Variants in SEPTIN9 observed in about 807,000 individuals in gnomAD.
The protein encoded by SEPTIN9 is septin-9.
A neutral mutation model predicts 56.6 loss-of-function variants in SEPTIN9; 13 were observed. That is an observed-to-expected ratio of 0.23 (90% CI 0.15 to 0.37). The LOEUF is 0.37. SEPTIN9 is among the 10% of genes least tolerant of loss of function. The pLI, the probability that SEPTIN9 is intolerant of heterozygous loss-of-function variation, is 1.00. For missense variants in SEPTIN9, 650 were observed against 823.1 expected (o/e 0.79, Z 2.57); for synonymous variants, 332 against 334.1 (o/e 0.99, Z 0.07).
chr17:77,284,265 G>T (rs4789432), intron 1 of SEPTIN9, among the ~76,000 whole-genome samples: 94,574 of 141,322 alleles, frequency 0.67, 34,033 homozygotes, highest in South Asian at 0.81. Flanking sequence ...AAATAGACAC[G>T]GCACTCCAGC....
chr17:77,341,892 C>A (rs1476412344), intron 2 of SEPTIN9, among the ~76,000 whole-genome samples: 1 of 150,518 alleles, frequency 6.6e-6, no homozygotes, highest in Non-Finnish European at 1.5e-5. Context: ...ACCATCCTGG[C>A]TAACACGATG....
At chr17:77,351,227 CAA>C (rs1040825698) in intron 2 of SEPTIN9, among the ~76,000 whole-genome samples, 4 of 106,830 alleles carry the variant, frequency 3.7e-5, no homozygotes, top group African/African-American at 1.6e-4. Flanking sequence ...CGCGTGCACA[CAA>C]CACACACACA....
chr17:77,348,293 T>TG (rs1491424029), intron 2 of SEPTIN9, among the ~76,000 whole-genome samples: 1 of 114,368 alleles, frequency 8.7e-6, no homozygotes, highest in Admixed American at 1.1e-4. Context: ...TTTTAATTTA[T>TG]GTTTTTTTTT....
In SEPTIN9 at chr17:77,344,571, C is replaced by T. The variant is rs373873405; in HGVS notation, c.76+37374C>T. Among the ~76,000 whole-genome samples, 14 of 152,356 alleles carry T rather than the reference C, an allele frequency of 9.2e-5. No homozygotes were observed. The East Asian group carries it at 9.6e-4, about 10-fold the overall frequency. ...TGTGCTACATTCTTGTTTGTAGCAG[C>T]ACTTTTCCCATAACCAAAAGATGCA... On this transcript the variant is annotated intron_variant, in intron 2 of 11. Coordinates refer to ENST00000427177, the MANE Select transcript of SEPTIN9 (RefSeq NM_001113491.2).
intron 2 of SEPTIN9, among the ~76,000 whole-genome samples, chr17:77,342,439 CT>C (rs2033763716): frequency 6.6e-6 from 1 of 152,210 alleles, no homozygotes; most frequent in African/African-American, 2.4e-5. Flanking sequence ...CAATCTAGAT[CT>C]TTTTAAAGAA....
In SEPTIN9 at chr17:77,318,246, G is replaced by T. The variant is rs1312183526; in HGVS notation, c.76+11049G>T. Among the ~76,000 whole-genome samples, 1 of 151,776 alleles carries T rather than the reference G, an allele frequency of 6.6e-6. No individual in the cohort carries two copies. The highest frequency in any genetic ancestry group is 1.5e-5 in the Non-Finnish European group (1 of 67,978). ...TGTGGGTGTCCCTTGGCTTGTGGCT[G>T]CATGGCCCTTACCTTCAACACCAGC... On this transcript the variant is annotated intron_variant, in intron 2 of 11. Coordinates refer to ENST00000427177, the MANE Select transcript of SEPTIN9 (RefSeq NM_001113491.2). This position sits in a 1 kb window ranked among gnomAD's most constrained non-coding sequence, Gnocchi z 4.9.
intron 2 of SEPTIN9, among the ~76,000 whole-genome samples, chr17:77,383,926 AG>A (rs1394301503): frequency 2.6e-5 from 4 of 152,258 alleles, no homozygotes; most frequent in Non-Finnish European, 4.4e-5. Flanking sequence ...CACTGTCTTC[AG>A]GTATGGTAAG....
intron 3 of SEPTIN9, among the ~76,000 whole-genome samples, chr17:77,461,180 C>T (rs1434969215): frequency 6.6e-6 from 1 of 152,018 alleles, no homozygotes; most frequent in Admixed American, 6.6e-5. Context: ...GTGGCACGTG[C>T]CTGTAATCCC....
chr17:77,475,585 G>C lies in SEPTIN9; in HGVS notation c.722-6559G>C. 6.2e-7 allele frequency: 1 copy of C among 1,613,510 alleles called. No homozygotes were observed. The highest frequency in any genetic ancestry group is 8.5e-7 in the Non-Finnish European group (1 of 1,179,816). On this transcript the variant is annotated intron_variant, in intron 3 of 11. Coordinates refer to ENST00000427177, the MANE Select transcript of SEPTIN9 (RefSeq NM_001113491.2). This position sits in a 1 kb window ranked among gnomAD's most constrained non-coding sequence, Gnocchi z 4.6. Reference sequence around the variant, plus strand: ...GCTGCCGCAGGGGTGCTGGCCCCAGGGTCTGGATTCAGGGGAGCCTGCAGA... The same window carrying C: ...GCTGCCGCAGGGGTGCTGGCCCCAGCGTCTGGATTCAGGGGAGCCTGCAGA...
chr17:77,466,431 C>T (rs1166131015), intron 3 of SEPTIN9: 9 of 985,542 alleles, frequency 9.1e-6, no homozygotes, highest in Non-Finnish European at 1.1e-5. Flanking sequence ...GACAGGCTCC[C>T]ACCCCAGGAG....
chr17:77,488,405 C>T (rs950682662), intron 6 of SEPTIN9, 84 bp downstream of exon 6: 16 of 1,311,388 alleles, frequency 1.2e-5, no homozygotes, highest in African/African-American at 5.8e-5. Flanking sequence ...AGAGGTTTCC[C>T]GGCCCGCGGG....
intron 2 of SEPTIN9, among the ~76,000 whole-genome samples, chr17:77,370,848 C>A (rs888514747): frequency 6.6e-6 from 1 of 152,062 alleles, no homozygotes; most frequent in Admixed American, 6.5e-5. Flanking sequence ...CCAGACTGGA[C>A]CCAGCCCTTA....
At chr17:77,438,257 G>A (rs1205032400) in intron 3 of SEPTIN9, among the ~76,000 whole-genome samples, 2 of 152,190 alleles carry the variant, frequency 1.3e-5, no homozygotes, top group Admixed American at 6.5e-5. Flanking sequence ...GTTCCCCGCC[G>A]ACCCCCATTT....
chr17:77,342,747 C>T (rs2060549), intron 2 of SEPTIN9, among the ~76,000 whole-genome samples: 82,626 of 151,878 alleles, frequency 0.54, 23,304 homozygotes, highest in East Asian at 0.98. Flanking sequence ...CTGAGGCAGG[C>T]GGATCCCTTG....
intron 2 of SEPTIN9, among the ~76,000 whole-genome samples, chr17:77,352,600 C>T (rs1174341819): frequency 1.3e-5 from 2 of 152,086 alleles, no homozygotes; most frequent in Admixed American, 6.5e-5. Context: ...GCTCGGCCTA[C>T]CCCCCACCTG....
At chr17:77,467,076 T>TC (rs1387634865) in intron 3 of SEPTIN9, among the ~76,000 whole-genome samples, 5 of 152,204 alleles carry the variant, frequency 3.3e-5, no homozygotes, top group Non-Finnish European at 7.3e-5. Flanking sequence ...GAATCACTCT[T>TC]CCGCTGGGGC....
chr17:77,430,537 C>T (rs940031766), intron 3 of SEPTIN9, among the ~76,000 whole-genome samples: 21 of 152,170 alleles, frequency 1.4e-4, no homozygotes, highest in African/African-American at 4.1e-4. Context: ...GCAGCCATCA[C>T]GCATTCCCGA....
intron 2 of SEPTIN9, among the ~76,000 whole-genome samples, chr17:77,321,337 C>T (rs2032912928): frequency 1.3e-5 from 2 of 151,746 alleles, no homozygotes; most frequent in South Asian, 2.1e-4. Context: ...GAGGGAGGCC[C>T]ATCTCGGTGG....
intron 2 of SEPTIN9, chr17:77,376,888 C>G (rs560520335): frequency 6.5e-6 from 1 of 152,682 alleles, no homozygotes; most frequent in East Asian, 1.9e-4. Context: ...CGCCTGTCCC[C>G]TTCACCCAGG....
Sources: allele counts gnomAD v4.1 joint callset (sites outside exome capture counted in the v4.1 genomes callset), GRCh38; gene constraint gnomAD v4.1.1; non-coding constraint Gnocchi (gnomAD v3.1); transcripts MANE v1.5; gene names NCBI Gene and HGNC (gene_info 2026-07-23, HGNC 2026-07-21).